WDFY1: variants seen among roughly 807,000 people sequenced by gnomAD.
WDFY1 encodes the protein WD repeat and FYVE domain containing 1.
WDFY1 carries 32 observed loss-of-function variants against 56.4 expected under a neutral mutation model. The observed-to-expected ratio is 0.57, with a 90% CI of 0.43 to 0.76. WDFY1 has a LOEUF of 0.76. Ranked by LOEUF, WDFY1 falls within the 30% of genes least tolerant of loss-of-function variation. The pLI is 0.00. For synonymous variants in WDFY1, 192 were observed against 197.3 expected, an observed-to-expected ratio of 0.97 and a Z score of 0.23; for missense variants, 480 against 545.7, an observed-to-expected ratio of 0.88 and a Z score of 1.20.
At chr2:223,926,609 AC>A (rs1416245852) in intron 1 of WDFY1, among the ~76,000 whole-genome samples, 2 of 151,934 alleles carry the variant, frequency 1.3e-5, no homozygotes, top group Admixed American at 6.6e-5. Flanking sequence ...ACATACATTT[AC>A]ATATATATGT....
At chr2:223,911,566 CCACACACACACACACA>C (rs58131865) in intron 3 of WDFY1, among the ~76,000 whole-genome samples, 1,840 of 136,116 alleles carry the variant, frequency 0.014, 33 homozygotes, top group African/African-American at 0.043. Flanking sequence ...AGCTGAATGA[CCACACACACACACACA>C]CACACACACA....
In WDFY1 at chr2:223,877,678, T is replaced by C. The variant is rs1479929201; in HGVS notation, c.*993A>G. On this transcript the variant is annotated 3_prime_UTR_variant, in exon 12 of 12. Transcript: ENST00000233055. ...ATGAAAACATGAATAATACTAGTTA[T>C]AACTCAAAGTCAAAATAGTGTAAAA... 1 of 152,470 alleles carries C rather than the reference T, an allele frequency of 6.6e-6. No individual in the cohort carries two copies. The highest frequency in any genetic ancestry group is 1.5e-5 in the Non-Finnish European group (1 of 68,048). 9.4% of individuals were successfully genotyped at this position (152,470 alleles called of 1,614,324 possible).
At chr2:223,932,117 CT>C (rs35246074) in intron 1 of WDFY1, among the ~76,000 whole-genome samples, 3,361 of 93,912 alleles carry the variant, frequency 0.036, 23 homozygotes, top group African/African-American at 0.11. Flanking sequence ...GTATGAGTAC[CT>C]TTTTTTTTTT....
At chr2:223,891,379 T>C (rs1286686716) in intron 8 of WDFY1, among the ~76,000 whole-genome samples, 2 of 1,178 alleles carry the variant, frequency 1.7e-3, no homozygotes, top group East Asian at 0.011. Context: ...CTAGACTCCG[T>C]CTCAAAAAAA....
intron 1 of WDFY1, among the ~76,000 whole-genome samples, chr2:223,920,670 CA>C (rs933257811): frequency 3.9e-5 from 6 of 152,348 alleles, no homozygotes; most frequent in African/African-American, 1.4e-4. Flanking sequence ...AACAAAGTCT[CA>C]CCAGGCATGG....
At position 223,931,997 on chromosome 2, in the gene WDFY1, A is replaced by G. The variant is rs1350493078; in HGVS notation, c.137+13151T>C. Among the ~76,000 whole-genome samples the G allele has an allele frequency of 3.5e-5, 5 of 144,162 alleles. No individual in the cohort carries two copies. The East Asian group carries it at 1.0e-3, about 29-fold the overall frequency. The allele number at this position is 144,162 out of a possible 152,430, so 94.6% of individuals were successfully genotyped here. On this transcript the variant is annotated intron_variant, in intron 1 of 11. Coordinates refer to ENST00000233055, the MANE Select transcript of WDFY1 (RefSeq NM_020830.5). ...CACTGCACCTGGCCTAATTGGTCTAATTTTTTTTTTTTCCCCATACCAGAA... is the reference window on the plus strand; with the variant it reads ...CACTGCACCTGGCCTAATTGGTCTAGTTTTTTTTTTTTCCCCATACCAGAA...
At chr2:223,943,024 T>G (rs1395483582) in intron 1 of WDFY1, among the ~76,000 whole-genome samples, 2 of 150,618 alleles carry the variant, frequency 1.3e-5, no homozygotes, top group African/African-American at 4.9e-5. Context: ...CTACTAAAAA[T>G]AGAAAAATTA....
At chr2:223,930,616 A>G (rs1694058274) in intron 1 of WDFY1, among the ~76,000 whole-genome samples, 1 of 152,152 alleles carries the variant, frequency 6.6e-6, no homozygotes, top group Non-Finnish European at 1.5e-5. Context: ...TGCCTTGCCT[A>G]TTTCTCTGAG....
At position 223,900,849 on chromosome 2, in the gene WDFY1, A is replaced by C. The variant is rs145067556; in HGVS notation, c.485+334T>G. 4.2e-3 allele frequency: 833 copies of C among 196,434 alleles called. 2 individuals carry two copies. Among genetic ancestry groups the C allele is most frequent in the Non-Finnish European group, 5.8e-3 (564 of 97,038 alleles). 12.2% of individuals were successfully genotyped at this position (196,434 alleles called of 1,614,324 possible). ...CAAAGACATGAGAGGAAGGGTTTGC[A>C]TTAATGGGCTTGGGTTTTCCACAAT... On this transcript the variant is annotated intron_variant, in intron 5 of 11. Coordinates refer to ENST00000233055, the MANE Select transcript of WDFY1 (RefSeq NM_020830.5).
In WDFY1 at chr2:223,875,417, A is replaced by G. The variant is rs1488633488; in HGVS notation, c.*3254T>C. On this transcript the variant is annotated 3_prime_UTR_variant, in exon 12 of 12. Coordinates refer to ENST00000233055, the MANE Select transcript of WDFY1 (RefSeq NM_020830.5). ...AAAACCCACAAAAACAGAACCCACA[A>G]ATAGGAGCAAAGAACAGTTTTCTAG... The G allele has an allele frequency of 6.6e-6, 1 of 151,748 alleles. No individual in the cohort carries two copies. Among genetic ancestry groups the G allele is most frequent in the African/African-American group, 2.4e-5 (1 of 41,374 alleles). The allele number at this position is 151,748 out of a possible 1,614,324, so 9.4% of individuals were successfully genotyped here.
At chr2:223,910,464 TA>T (rs1693676017) in intron 3 of WDFY1, among the ~76,000 whole-genome samples, 1 of 128,698 alleles carries the variant, frequency 7.8e-6, no homozygotes, top group South Asian at 2.4e-4. Context: ...AAAAAAAAAG[TA>T]AAAAGGCAGC....
At position 223,945,294 on chromosome 2, in the gene WDFY1, G is replaced by A; in HGVS notation, c.-10C>T. The A allele has an allele frequency of 1.9e-6, 3 of 1,564,650 alleles. No individual in the cohort carries two copies. Among genetic ancestry groups the A allele is most frequent in the Non-Finnish European group, 2.6e-6 (3 of 1,163,100 alleles). ...GGATTTCGGCCGCCATGTTCGCGCG[G>A]CGACTGCTGCGGCCTCCTCGGCAGG... On this transcript the variant is annotated 5_prime_UTR_variant, in exon 1 of 12. Coordinates refer to ENST00000233055, the MANE Select transcript of WDFY1 (RefSeq NM_020830.5).
chr2:223,907,571 G>T (rs895951193), intron 3 of WDFY1, among the ~76,000 whole-genome samples: 1 of 152,124 alleles, frequency 6.6e-6, no homozygotes, highest in African/African-American at 2.4e-5. Context: ...TGAACTGAAG[G>T]CCACAAGAAG....
chr2:223,896,952 C>T (rs1013524943), intron 6 of WDFY1, among the ~76,000 whole-genome samples: 4 of 152,080 alleles, frequency 2.6e-5, no homozygotes, highest in Non-Finnish European at 4.4e-5. Context: ...AAAAAACTGG[C>T]GAGCCTGGGG....
At chr2:223,889,544 A>C (rs1693231525) in intron 8 of WDFY1, among the ~76,000 whole-genome samples, 2 of 152,136 alleles carry the variant, frequency 1.3e-5, no homozygotes, top group Non-Finnish European at 1.5e-5. Context: ...TGGTTTTACA[A>C]AGGGGAGTTC....
intron 2 of WDFY1, 70 bp from the exon 3 acceptor site, chr2:223,912,396 G>T: frequency 3.8e-6 from 2 of 524,228 alleles, no homozygotes; most frequent in Non-Finnish European, 6.2e-6. Context: ...AAGTGATTAA[G>T]AACTATATGA....
At position 223,894,333 on chromosome 2, in the gene WDFY1, C is replaced by A; in HGVS notation, c.732G>T (p.Lys244Asn). The change falls in exon 8 of 12, where the codon AAG becomes AAT. Residue 244 changes from lysine (K) to asparagine (N), a missense_variant. Transcript: ENST00000233055. ...RTLLLQGHHD[K>N]VQSLCYLQLT... ...GCTGAAGGTAGCACAGCGACTGCAC[C>A]TTGTCACTGCAAACAGCACACACAA... 1 of 1,614,164 alleles carries A rather than the reference C, an allele frequency of 6.2e-7. No individual in the cohort carries two copies. The highest frequency in any genetic ancestry group is 1.1e-5 in the South Asian group (1 of 91,088).
chr2:223,903,339 T>A (rs1693536380), intron 4 of WDFY1, among the ~76,000 whole-genome samples: 2 of 151,918 alleles, frequency 1.3e-5, no homozygotes. Context: ...CTGGCCAACA[T>A]GGTGAAACCC....
At chr2:223,914,319 C>A (rs185814644) in intron 2 of WDFY1, among the ~76,000 whole-genome samples, 1 of 152,240 alleles carries the variant, frequency 6.6e-6, no homozygotes, top group East Asian at 1.9e-4. Context: ...TTTTAAAAAG[C>A]CATCACTGCA....
Sources: allele counts gnomAD v4.1 joint callset (sites outside exome capture counted in the v4.1 genomes callset), GRCh38; gene constraint gnomAD v4.1.1; transcripts MANE v1.5; gene names NCBI Gene and HGNC (gene_info 2026-07-23, HGNC 2026-07-21).